DNM3: variants seen among roughly 807,000 people sequenced by gnomAD.
DNM3 encodes the protein dynamin-3.
In DNM3, 47 loss-of-function variants were observed where a neutral mutation model predicts 101.6. That is an observed-to-expected ratio of 0.46 (90% confidence interval 0.37 to 0.59). DNM3 has a LOEUF of 0.59. Ranked by LOEUF, DNM3 falls within the 20% of genes least tolerant of loss-of-function variation. The probability of loss-of-function intolerance (pLI) is 0.00; values close to 1 mark genes in which losing one functional copy is unlikely to be tolerated. For missense variants in DNM3, 849 were observed against 1,085.7 expected (o/e 0.78, Z 3.06); for synonymous variants, 385 against 387.9 (o/e 0.99, Z 0.09).
chr1:171,886,799 A>T (rs1454280836), intron 1 of DNM3, among the ~76,000 whole-genome samples: 1 of 152,198 alleles, frequency 6.6e-6, no homozygotes, highest in Non-Finnish European at 1.5e-5. Flanking sequence ...AAGGCATTTG[A>T]TTAATGACTA....
intron 4 of DNM3, among the ~76,000 whole-genome samples, chr1:171,998,252 C>T (rs536770630): frequency 5.9e-4 from 90 of 152,104 alleles, no homozygotes; most frequent in Non-Finnish European, 5.7e-4. Context: ...TTTTACAATA[C>T]TAAATATGGT....
chr1:172,304,490 C>T (rs925106114), intron 15 of DNM3, among the ~76,000 whole-genome samples: 1 of 152,102 alleles, frequency 6.6e-6, no homozygotes, highest in Non-Finnish European at 1.5e-5. Context: ...AGAAGGTTAA[C>T]AAGGATATCA....
At chr1:172,115,188 T>C (rs538520161) in intron 13 of DNM3, among the ~76,000 whole-genome samples, 2 of 152,174 alleles carry the variant, frequency 1.3e-5, no homozygotes, top group Non-Finnish European at 2.9e-5. Flanking sequence ...TGTTAGATAA[T>C]ATTCCTGTCC....
intron 14 of DNM3, among the ~76,000 whole-genome samples, chr1:172,244,067 C>T (rs1346319249): frequency 1.3e-5 from 2 of 152,006 alleles, no homozygotes; most frequent in Non-Finnish European, 2.9e-5. Flanking sequence ...TTCCTGTGTC[C>T]GTGTGATCTC....
intron 13 of DNM3, among the ~76,000 whole-genome samples, chr1:172,126,277 G>A (rs2056612954): frequency 6.6e-6 from 1 of 152,302 alleles, no homozygotes; most frequent in African/African-American, 2.4e-5. Context: ...ACAACATCCA[G>A]TGCTGAACTC....
intron 17 of DNM3, among the ~76,000 whole-genome samples, chr1:172,364,527 A>C (rs940485067): frequency 7.9e-5 from 12 of 151,662 alleles, no homozygotes; most frequent in African/African-American, 2.9e-4. Context: ...TCTATAGGAC[A>C]AAAAAAAATT....
chr1:172,092,735 TA>T (rs780283794), intron 12 of DNM3, 88 bp from the exon 13 acceptor site: 3 of 1,342,692 alleles, frequency 2.2e-6, no homozygotes, highest in South Asian at 1.5e-5. Flanking sequence ...ATTTTTTTTT[TA>T]AAGCCTGTAT....
Position 171,988,953 on chromosome 1 carries a change from C to G in DNM3, c.394C>G (p.Leu132Val). The G allele has an allele frequency of 6.3e-7, 1 of 1,588,306 alleles. No individual in the cohort carries two copies. The highest frequency in any genetic ancestry group is 8.6e-7 in the Non-Finnish European group (1 of 1,166,246). The change falls in exon 4 of 21, where the codon CTA becomes GTA. Residue 132 changes from leucine to valine, a missense_variant. By Grantham distance (32) the Leu-to-Val change is conservative (BLOSUM62 1). Around this residue, in one of 5 missense-constraint regions of DNM3, gnomAD observed 388 missense variants for 483.0 expected, o/e 0.80. Transcript: ENST00000627582. ...LRVYSPHVLNLTLIDLPGITK... is the reference protein window; with the variant it reads ...LRVYSPHVLNVTLIDLPGITK... ...TTATCCTTTCCACACAGTGTTAAATCTAACCCTTATTGATCTACCTGGAAT... is the reference window on the plus strand; with the variant it reads ...TTATCCTTTCCACACAGTGTTAAATGTAACCCTTATTGATCTACCTGGAAT...
intron 4 of DNM3, among the ~76,000 whole-genome samples, chr1:172,008,785 AT>A (rs1174043664): frequency 1.6e-5 from 2 of 121,976 alleles, no homozygotes; most frequent in Admixed American, 1.8e-4. Context: ...TTTAATATAT[AT>A]TAATATATAT....
intron 20 of DNM3, among the ~76,000 whole-genome samples, chr1:172,389,390 A>G (rs142811506): frequency 6.8e-4 from 103 of 152,382 alleles, no homozygotes; most frequent in African/African-American, 2.4e-3. Flanking sequence ...AATCATATAT[A>G]AGATAGATCA....
chr1:172,107,978 T>C (rs989515953), intron 13 of DNM3, among the ~76,000 whole-genome samples: 1 of 152,080 alleles, frequency 6.6e-6, no homozygotes, highest in Non-Finnish European at 1.5e-5. Context: ...AAGCTTATGT[T>C]GATCAGAGCA....
intron 20 of DNM3, chr1:172,418,181 T>G: frequency 1.0e-6 from 1 of 971,106 alleles, no homozygotes; most frequent in South Asian, 1.5e-5. Context: ...TTTTGCATGC[T>G]ATTATTTGGG....
intron 10 of DNM3, among the ~76,000 whole-genome samples, chr1:172,058,603 C>T (rs2050857728): frequency 6.6e-6 from 1 of 152,108 alleles, no homozygotes; most frequent in South Asian, 2.1e-4. Context: ...CTACTGGGTA[C>T]ATAACGAAAT....
At chr1:172,238,937 A>C (rs2061642362) in intron 14 of DNM3, among the ~76,000 whole-genome samples, 1 of 152,168 alleles carries the variant, frequency 6.6e-6, no homozygotes, top group Admixed American at 6.5e-5. Flanking sequence ...ATGATTCTCT[A>C]ATTGCGGAAT....
chr1:172,162,741 A>C (rs1050637916), intron 14 of DNM3, among the ~76,000 whole-genome samples: 3 of 152,062 alleles, frequency 2.0e-5, no homozygotes, highest in African/African-American at 7.2e-5. Flanking sequence ...TTGAATTAAA[A>C]AATATCAGAT....
At chr1:172,004,863 G>C (rs1215083657) in intron 4 of DNM3, among the ~76,000 whole-genome samples, 1 of 151,972 alleles carries the variant, frequency 6.6e-6, no homozygotes, top group Non-Finnish European at 1.5e-5. Flanking sequence ...AATAAAGATG[G>C]TTCCAGATGG....
intron 1 of DNM3, among the ~76,000 whole-genome samples, chr1:171,847,059 G>C (rs576010654): frequency 6.6e-6 from 1 of 152,180 alleles, no homozygotes; most frequent in African/African-American, 2.4e-5. Context: ...GAGAAATATG[G>C]ACACATAAAA....
At chr1:172,044,865 TATC>T (rs1466963658) in intron 9 of DNM3, among the ~76,000 whole-genome samples, 1 of 152,206 alleles carries the variant, frequency 6.6e-6, no homozygotes, top group Non-Finnish European at 1.5e-5. Context: ...CTTTCAAGTT[TATC>T]CTTTCCTGTG....
intron 1 of DNM3, among the ~76,000 whole-genome samples, chr1:171,860,979 T>A (rs1488730817): frequency 6.6e-6 from 1 of 152,094 alleles, no homozygotes; most frequent in African/African-American, 2.4e-5. Flanking sequence ...TATAAGAGCC[T>A]GGGGCACAGA....
Sources: gnomAD v4.1 joint callset for allele counts (sites outside exome capture counted in the v4.1 genomes callset) on GRCh38, gnomAD v4.1.1 for gene constraint, gnomAD v4.1.1 regional missense constraint, MANE v1.5 for transcripts, NCBI Gene and HGNC (gene_info 2026-07-23, HGNC 2026-07-21) for gene names.